Variants in GOSR2 observed in about 807,000 individuals in gnomAD.
The protein encoded by GOSR2 is golgi SNAP receptor complex member 2, also known as 27 kDa Golgi SNARE protein.
In GOSR2, 20 loss-of-function variants were observed where a neutral mutation model predicts 27.9. The ratio of observed to expected loss-of-function variants is 0.72; its 90% confidence interval spans 0.50 to 1.04. The LOEUF (loss-of-function observed/expected upper bound fraction) is 1.04, where lower values mean the gene tolerates loss of function less well. GOSR2 is among the 50% of genes least tolerant of loss of function. The pLI, the probability that GOSR2 is intolerant of heterozygous loss-of-function variation, is 0.00. For missense variants in GOSR2, 261 were observed against 270.5 expected, an observed-to-expected ratio of 0.97 and a Z score of 0.25; for synonymous variants, 91 against 98.8, an observed-to-expected ratio of 0.92 and a Z score of 0.47.
At chr17:46,972,451 A>G (rs2091402965) in intron 6 of GOSR2, among the ~76,000 whole-genome samples, 7 of 152,226 alleles carry the variant, frequency 4.6e-5, no homozygotes, top group Admixed American at 4.6e-4. Flanking sequence ...AGGGTTGCAC[A>G]CTGGGCACCC....
chr17:46,943,525 C>T (rs544714152), downstream of GOSR2, among the ~76,000 whole-genome samples: 1 of 152,370 alleles, frequency 6.6e-6, no homozygotes, highest in East Asian at 1.9e-4. Flanking sequence ...AAGCCTGCCC[C>T]TCCCCTCCAA....
chr17:46,941,411 C>T lies in GOSR2; in HGVS notation c.*2651C>T. On this transcript the variant is annotated 3_prime_UTR_variant, in exon 6 of 6. Coordinates refer to ENST00000640051, the MANE Select transcript of GOSR2 (RefSeq NM_004287.5). ...GATATTCATTTTTATAACTAATGGC[C>T]CCCTTTTTTTATGTTTCTAGGCCAG... is the stretch of plus-strand genomic sequence containing the variant. 1 of 983,112 alleles carries T rather than the reference C, an allele frequency of 1.0e-6. No individual in the cohort carries two copies. The highest frequency in any genetic ancestry group is 6.2e-5 in the Admixed American group (1 of 16,240). The allele number at this position is 983,112 out of a possible 1,614,324, so 60.9% of individuals were successfully genotyped here.
intron 6 of GOSR2, among the ~76,000 whole-genome samples, chr17:46,961,641 T>TA (rs1437442396): frequency 6.6e-6 from 1 of 151,728 alleles, no homozygotes; most frequent in African/African-American, 2.4e-5. Context: ...AAAGATGAAA[T>TA]ACGTCTGTAA....
chr17:46,962,059 C>G (rs1168448290), intron 6 of GOSR2, among the ~76,000 whole-genome samples: 2 of 152,152 alleles, frequency 1.3e-5, no homozygotes, highest in Non-Finnish European at 2.9e-5. Flanking sequence ...GGGCCAGGCA[C>G]AGTGGCTCAT....
At chr17:46,960,267 A>G (rs2090974776) in intron 6 of GOSR2, among the ~76,000 whole-genome samples, 1 of 152,246 alleles carries the variant, frequency 6.6e-6, no homozygotes, top group African/African-American at 2.4e-5. Context: ...ATCATCATTC[A>G]ATAGAAGACA....
chr17:46,974,289 C>T (rs1015573435), intron 6 of GOSR2, among the ~76,000 whole-genome samples: 3 of 151,924 alleles, frequency 2.0e-5, no homozygotes, highest in Non-Finnish European at 4.4e-5. Flanking sequence ...CAGTGCCTGG[C>T]ACAGTGCCTA....
At chr17:46,930,851 T>C (rs977373098) in intron 2 of GOSR2, 2 of 451,854 alleles carry the variant, frequency 4.4e-6, no homozygotes, top group African/African-American at 4.0e-5. Flanking sequence ...TCTACAGATT[T>C]ACCTTCAGCT....
intron 5 of GOSR2, chr17:46,936,772 T>C (rs996309566): frequency 5.1e-6 from 5 of 983,050 alleles, no homozygotes; most frequent in Non-Finnish European, 6.0e-6. Flanking sequence ...GTATTGTCAC[T>C]ATCTCGGGGA....
At position 46,935,189 on chromosome 17, in the gene GOSR2, A is replaced by T. The variant is rs778488918; in HGVS notation, c.477+20A>T. 12 of 1,613,252 alleles carry T rather than the reference A, an allele frequency of 7.4e-6. No individual in the cohort carries two copies. In the African/African-American group the frequency reaches 1.6e-4, roughly 22 times the overall value. Reference sequence around the variant, plus strand: ...TTGAAGGTGGGGTCCCTGCTGGGGGACAGAGAGAAGGCCTCTTGTTTTAGC... The same window carrying T: ...TTGAAGGTGGGGTCCCTGCTGGGGGTCAGAGAGAAGGCCTCTTGTTTTAGC... On this transcript the variant is annotated intron_variant, in intron 5 of 5. Coordinates refer to ENST00000640051, the MANE Select transcript of GOSR2 (RefSeq NM_004287.5).
intron 6 of GOSR2, chr17:46,955,522 AACAAGAGTCAAATAAAG>A (rs2090652542): frequency 6.6e-6 from 1 of 152,148 alleles, no homozygotes; most frequent in Admixed American, 6.5e-5. Context: ...TTCTTATCTC[AACAAGAGTCAAATAAAG>A]ACTTGAAAAG....
chr17:46,931,016 GA>G (rs1005513618), intron 2 of GOSR2, 82 bp from the exon 3 acceptor site: 74 of 801,394 alleles, frequency 9.2e-5, no homozygotes, highest in East Asian at 4.4e-4. Flanking sequence ...ATTGGATATT[GA>G]AAAAAAAATC....
At chr17:46,927,870 C>G (rs148758616) in intron 1 of GOSR2, among the ~76,000 whole-genome samples, 48 of 152,148 alleles carry the variant, frequency 3.2e-4, no homozygotes, top group Middle Eastern at 3.4e-3. Flanking sequence ...TGTCACTGTT[C>G]GTGTTGATCA....
chr17:46,956,277 CTTTTTTTTTTTTTTTTTTTT>C lies in GOSR2; in HGVS notation c.584-10246_584-10227del, dbSNP rs869045527. 2.4e-4 allele frequency among the ~76,000 whole-genome samples: 15 copies of C among 62,656 alleles called. 1 individual carries two copies. The East Asian group carries it at 6.5e-3, about 27-fold the overall frequency. 41.1% of individuals were successfully genotyped at this position (62,656 alleles called of 152,430 possible). A position where few individuals can be genotyped will look rare whatever the true frequency, so the allele number is the denominator to read the frequency against. On this transcript the variant is annotated intron_variant, in intron 6 of 6. Coordinates refer to the GOSR2 transcript ENST00000573224. ...AGGCCAGGATTCTGCCTTGCCAGTC[CTTTTTTTTTTTTTTTTTTTT>C]TTTTTTTTTTGAGACAGAGTTTCGC...
chr17:46,975,597 C>T (rs1260431081), downstream of GOSR2: 1 of 152,316 alleles, frequency 6.6e-6, no homozygotes, highest in Non-Finnish European at 1.5e-5. Flanking sequence ...CTCTTGCCCT[C>T]ACCCCTTCTC....
At chr17:46,944,036 T>C (rs767405484), downstream of GOSR2, among the ~76,000 whole-genome samples, 6 of 152,132 alleles carry the variant, frequency 3.9e-5, no homozygotes, top group Non-Finnish European at 8.8e-5. Context: ...CACTGGCCCT[T>C]CCTTCCAGGC....
chr17:46,956,401 C>A (rs2090721733), intron 6 of GOSR2, among the ~76,000 whole-genome samples: 1 of 150,818 alleles, frequency 6.6e-6, no homozygotes, highest in South Asian at 2.1e-4. Context: ...AGCGATTCTC[C>A]TGCCTCAGCC....
At chr17:46,923,245 C>A in intron 1 of GOSR2, 24 bp downstream of exon 1, 1 of 1,550,808 alleles carries the variant, frequency 6.4e-7, no homozygotes, top group Non-Finnish European at 8.7e-7. Flanking sequence ...GGGGAGCGGG[C>A]AGGGGCTAGA....
intron 4 of GOSR2, chr17:46,933,428 T>A (rs1359988216): frequency 6.6e-6 from 1 of 152,204 alleles, no homozygotes; most frequent in Non-Finnish European, 1.5e-5. Flanking sequence ...CTCTGAGTCT[T>A]TCAAACGCCA....
Position 46,940,721 on chromosome 17 carries a change from G to GGTT in GOSR2, c.*1963_*1965dup, listed in dbSNP as rs1262512186. On this transcript the variant is annotated 3_prime_UTR_variant, in exon 6 of 6. Coordinates refer to ENST00000640051, the MANE Select transcript of GOSR2 (RefSeq NM_004287.5). The stretch of plus-strand genomic sequence containing the variant: ...ACCAGTGCTTTCCACACTTGACAGT[G>GGTT]GTTGGCTTTGATGAACCCTCATGCT... 29 of 1,597,882 alleles carry GGTT rather than the reference G, an allele frequency of 1.8e-5. No individual in the cohort carries two copies. The highest frequency in any genetic ancestry group is 2.0e-5 in the Non-Finnish European group (23 of 1,175,750).
Sources: allele counts gnomAD v4.1 joint callset (sites outside exome capture counted in the v4.1 genomes callset), GRCh38; gene constraint gnomAD v4.1.1; transcripts MANE v1.5; gene names NCBI Gene and HGNC (gene_info 2026-07-23, HGNC 2026-07-21).